Variants in OR51B5 observed in about 807,000 individuals in gnomAD.
OR51B5 encodes the protein olfactory receptor family 51 subfamily B member 5.
For missense variants in OR51B5, 456 were observed against 374.6 expected (o/e 1.22, Z -1.79); for synonymous variants, 186 against 144.8 (o/e 1.28, Z -2.04).
intron 1 of OR51B5, among the ~76,000 whole-genome samples, chr11:5,501,185 C>T (rs1343543622): frequency 6.8e-6 from 1 of 147,424 alleles, no homozygotes; most frequent in Non-Finnish European, 1.5e-5. Context: ...TCTGACTTGC[C>T]TGATACAGAT....
At chr11:5,383,847 T>A (rs892264991) in intron 1 of OR51B5, 2 of 152,230 alleles carry the variant, frequency 1.3e-5, no homozygotes, top group Non-Finnish European at 2.9e-5. Context: ...CCTTGTGTCA[T>A]CCTTATCTAT....
At chr11:5,463,189 AG>A (rs1242837780) in intron 1 of OR51B5, among the ~76,000 whole-genome samples, 1 of 152,264 alleles carries the variant, frequency 6.6e-6, no homozygotes, top group Non-Finnish European at 1.5e-5. Flanking sequence ...GCAATTAATT[AG>A]TTCATTTGAT....
chr11:5,432,022 T>G (rs180768239), intron 1 of OR51B5, among the ~76,000 whole-genome samples: 1 of 152,240 alleles, frequency 6.6e-6, no homozygotes, highest in African/African-American at 2.4e-5. Flanking sequence ...TTCTATGTGT[T>G]GGGAACATGT....
intron 1 of OR51B5, among the ~76,000 whole-genome samples, chr11:5,377,055 T>A (rs74810072): frequency 0.27 from 41,157 of 151,782 alleles, 5,838 homozygotes; most frequent in African/African-American, 0.33. Context: ...GATGCAAAAA[T>A]CCTCAATAAA....
intron 1 of OR51B5, among the ~76,000 whole-genome samples, chr11:5,349,268 T>G (rs1849038470): frequency 6.6e-6 from 1 of 151,300 alleles, no homozygotes; most frequent in African/African-American, 2.4e-5. Context: ...AACAGCTATT[T>G]TAAGGATTCT....
intron 1 of OR51B5, among the ~76,000 whole-genome samples, chr11:5,419,973 A>C (rs1850306416): frequency 6.6e-6 from 1 of 151,466 alleles, no homozygotes; most frequent in Non-Finnish European, 1.5e-5. Flanking sequence ...TTTACATTTC[A>C]ATGTGCTTAA....
rs1009358134 is a variant in OR51B5 at position 5,494,663 on chromosome 11, C to T, written n.84+10906G>A. Among the ~76,000 whole-genome samples the T allele has an allele frequency of 3.3e-5, 5 of 152,162 alleles. No homozygotes were observed. In the East Asian group the frequency reaches 7.7e-4, roughly 23 times the overall value. ...AAATCCCGCTGCCATCACTTCATAA[C>T]CTTCAACAAGTCATTTTCCCTTTTT... is the stretch of plus-strand genomic sequence containing the variant. On this transcript the variant is annotated intron_variant and non_coding_transcript_variant, in intron 1 of 4. Transcript: ENST00000415970.
intron 1 of OR51B5, chr11:5,422,996 T>A: frequency 6.2e-7 from 1 of 1,614,168 alleles, no homozygotes; most frequent in Non-Finnish European, 8.5e-7. Flanking sequence ...GACTCATCGC[T>A]TTGCCAAGCA....
intron 1 of OR51B5, among the ~76,000 whole-genome samples, chr11:5,359,080 G>A (rs1216432929): frequency 2.6e-5 from 4 of 152,112 alleles, no homozygotes; most frequent in Non-Finnish European, 4.4e-5. Context: ...TTGAAAACTG[G>A]CACAAGACAG....
chr11:5,416,914 T>C (rs1203504663), intron 1 of OR51B5, among the ~76,000 whole-genome samples: 1 of 151,596 alleles, frequency 6.6e-6, no homozygotes, highest in East Asian at 1.9e-4. Context: ...CTTCACAGAA[T>C]TGGAAAAAAC....
intron 1 of OR51B5, among the ~76,000 whole-genome samples, chr11:5,369,352 T>TA (rs1849417863): frequency 6.6e-6 from 1 of 152,172 alleles, no homozygotes; most frequent in African/African-American, 2.4e-5. Flanking sequence ...GGAATACTAT[T>TA]AACAATAATA....
At chr11:5,492,431 T>C (rs1851594963) in intron 1 of OR51B5, among the ~76,000 whole-genome samples, 1 of 152,196 alleles carries the variant, frequency 6.6e-6, no homozygotes, top group Admixed American at 6.5e-5. Context: ...TTTGCTCTTA[T>C]TATAAATATA....
chr11:5,444,876 T>C (rs1850738984), intron 1 of OR51B5, among the ~76,000 whole-genome samples: 1 of 152,192 alleles, frequency 6.6e-6, no homozygotes, highest in African/African-American at 2.4e-5. Flanking sequence ...TCTATTAGTG[T>C]GTTAATCCTT....
Position 5,351,943 on chromosome 11 carries a change from G to A in OR51B5, n.85-5033C>T, listed in dbSNP as rs1264108663. ...CCAGGTAATGAAGATTGGTGTGCGG[G>A]TATTGACAAGGGCTGGTCTGTCCAT... On this transcript the variant is annotated intron_variant and non_coding_transcript_variant, in intron 1 of 4. Transcript: ENST00000415970. The A allele has an allele frequency of 1.9e-6, 3 of 1,612,768 alleles. No homozygotes were observed. The highest frequency in any genetic ancestry group is 1.7e-5 in the Admixed American group (1 of 59,990).
intron 1 of OR51B5, chr11:5,389,550 T>A: frequency 6.2e-7 from 1 of 1,613,966 alleles, no homozygotes; most frequent in Non-Finnish European, 8.5e-7. Flanking sequence ...ATGGTTGCCA[T>A]CTCAGGCAAT....
intron 1 of OR51B5, among the ~76,000 whole-genome samples, chr11:5,483,508 T>TAAGAAA (rs1554896861): frequency 3.1e-5 from 3 of 96,672 alleles, no homozygotes; most frequent in African/African-American, 7.8e-5. Context: ...AAAGTATAAT[T>TAAGAAA]AAAAAAAAAA....
rs192193852 is a variant in OR51B5, at chr11:5,421,402, C to T, written n.85-74492G>A. ...TGAATCATCAGGAAAAAGAAAAGGGCACATGACTTGTTAGAACATAAGAAT... is the reference window on the plus strand; with the variant it reads ...TGAATCATCAGGAAAAAGAAAAGGGTACATGACTTGTTAGAACATAAGAAT... On this transcript the variant is annotated intron_variant and non_coding_transcript_variant, in intron 1 of 4. Coordinates refer to the OR51B5 transcript ENST00000415970. Among the ~76,000 whole-genome samples, 503 of 152,342 alleles carry T rather than the reference C, an allele frequency of 3.3e-3. 4 individuals carry two copies. Among genetic ancestry groups the T allele is most frequent in the African/African-American group, 0.011 (478 of 41,582 alleles).
In OR51B5 at chr11:5,455,855, AAT is replaced by A. The variant is rs199653132; in HGVS notation, n.84+49712_84+49713del. On this transcript the variant is annotated intron_variant and non_coding_transcript_variant, in intron 1 of 4. Transcript: ENST00000415970. ...TCTACAGGTACAATAAGACACCAAT[AAT>A]ATATGTGTCCTGGCCCACTAAATAG... 163 of 152,264 alleles carry A rather than the reference AAT, an allele frequency of 1.1e-3. 1 individual carries two copies. The East Asian group carries it at 0.018, about 17-fold the overall frequency. The allele number at this position is 152,264 out of a possible 1,614,324, so 9.4% of individuals were successfully genotyped here. A position where few individuals can be genotyped will look rare whatever the true frequency, so the allele number is the denominator to read the frequency against.
chr11:5,444,553 T>C (rs1305525615), intron 1 of OR51B5, among the ~76,000 whole-genome samples: 1 of 152,098 alleles, frequency 6.6e-6, no homozygotes, highest in Admixed American at 6.6e-5. Flanking sequence ...TGTTAAAATT[T>C]AGAATAAAAT....
Sources: gnomAD v4.1 joint callset for allele counts (sites outside exome capture counted in the v4.1 genomes callset) on GRCh38, gnomAD v4.1.1 for gene constraint, MANE v1.5 for transcripts, NCBI Gene and HGNC (gene_info 2026-07-23, HGNC 2026-07-21) for gene names.